The following NRG3 variants were observed in gnomAD, a reference collection of about 807,000 sequenced individuals.
The protein encoded by NRG3 is neuregulin 3.
In NRG3, 31 loss-of-function variants were observed where a neutral mutation model predicts 66.9. The ratio of observed to expected loss-of-function variants is 0.46; its 90% CI spans 0.35 to 0.63. The LOEUF (loss-of-function observed/expected upper bound fraction) is 0.63. Among genes scored for constraint, NRG3 ranks in the 20% least tolerant of loss-of-function variants. The pLI, the probability that NRG3 is intolerant of heterozygous loss-of-function variation, is 0.00. For synonymous variants in NRG3, 393 were observed against 359.4 expected (o/e 1.09, Z -1.06); for missense variants, 910 against 878.9 (o/e 1.04, Z -0.45).
intron 1 of NRG3, among the ~76,000 whole-genome samples, chr10:82,351,390 C>T (rs920184720): frequency 1.3e-5 from 2 of 152,200 alleles, no homozygotes; most frequent in Non-Finnish European, 2.9e-5. Flanking sequence ...AATCACATTT[C>T]AATTAGAAAA....
At chr10:82,230,618 A>T (rs543599959) in intron 1 of NRG3, among the ~76,000 whole-genome samples, 8 of 152,156 alleles carry the variant, frequency 5.3e-5, no homozygotes, top group African/African-American at 1.9e-4. Flanking sequence ...TGAATAGAGG[A>T]ATTACAGCAA....
chr10:82,452,923 ACAGT>A (rs1372857864), intron 2 of NRG3, among the ~76,000 whole-genome samples: 1 of 152,162 alleles, frequency 6.6e-6, no homozygotes. Flanking sequence ...TCTGTGGCCA[ACAGT>A]CAGTCACATG....
chr10:82,057,797 A>T (rs1009873836), intron 1 of NRG3, among the ~76,000 whole-genome samples: 1 of 152,128 alleles, frequency 6.6e-6, no homozygotes, highest in African/African-American at 2.4e-5. Context: ...GTTACCATGT[A>T]TCAGGGATTC....
chr10:82,930,929 G>A (rs1177575285), intron 4 of NRG3, among the ~76,000 whole-genome samples: 1 of 152,204 alleles, frequency 6.6e-6, no homozygotes, highest in Non-Finnish European at 1.5e-5. Flanking sequence ...ATTGAGAGAA[G>A]CAGGGAGGCC....
chr10:82,286,127 G>T (rs2079403744), intron 1 of NRG3, among the ~76,000 whole-genome samples: 1 of 152,114 alleles, frequency 6.6e-6, no homozygotes, highest in Non-Finnish European at 1.5e-5. Context: ...ATTCCCAATG[G>T]GGGTGAGGAG....
chr10:82,510,197 C>T (rs1487034504), intron 2 of NRG3, among the ~76,000 whole-genome samples: 1 of 152,192 alleles, frequency 6.6e-6, no homozygotes, highest in Non-Finnish European at 1.5e-5. Context: ...CCTCAACATA[C>T]CACATTCCAA....
chr10:82,859,369 G>C (rs571198471), intron 3 of NRG3: 1 of 152,238 alleles, frequency 6.6e-6, no homozygotes, highest in East Asian at 1.9e-4. Context: ...ATCTCGCTCC[G>C]TTACTTTTAG....
In NRG3 at chr10:82,871,875, C is replaced by T. The variant is rs187794516; in HGVS notation, c.1054+6438C>T. On this transcript the variant is annotated intron_variant, in intron 4 of 8. Coordinates refer to ENST00000372141, the MANE Select transcript of NRG3 (RefSeq NM_001010848.4). ...ATCTGCAAAGACAGTTTTACCTCTT[C>T]CCTTTCCAATCTGTGTACATTTTGT... is the stretch of plus-strand genomic sequence containing the variant. Among the ~76,000 whole-genome samples the T allele has an allele frequency of 7.9e-3, 1,200 of 152,086 alleles. 7 individuals are homozygous for T. Among genetic ancestry groups the T allele is most frequent in the Non-Finnish European group, 0.014 (918 of 67,936 alleles).
chr10:82,227,364 A>G (rs2076217548), intron 1 of NRG3, among the ~76,000 whole-genome samples: 1 of 152,020 alleles, frequency 6.6e-6, no homozygotes, highest in Non-Finnish European at 1.5e-5. Context: ...AAACTGACAC[A>G]CCCTTGCATT....
intron 1 of NRG3, among the ~76,000 whole-genome samples, chr10:82,329,102 C>T (rs1301492276): frequency 6.6e-6 from 1 of 152,196 alleles, no homozygotes; most frequent in Non-Finnish European, 1.5e-5. Context: ...GTCCCAGAGA[C>T]AGCTCTTCCA....
At chr10:81,952,108 G>A (rs1369609001) in intron 1 of NRG3, among the ~76,000 whole-genome samples, 1 of 152,038 alleles carries the variant, frequency 6.6e-6, no homozygotes, top group Non-Finnish European at 1.5e-5. Flanking sequence ...GGGGAAGGGG[G>A]GAGGGATAGC....
At chr10:82,415,169 A>G (rs770790667) in intron 2 of NRG3, among the ~76,000 whole-genome samples, 2 of 152,174 alleles carry the variant, frequency 1.3e-5, no homozygotes, top group South Asian at 2.1e-4. Context: ...GCTGGATTAT[A>G]TGGGTAAAAA....
At chr10:81,964,321 G>A (rs1367453058) in intron 1 of NRG3, among the ~76,000 whole-genome samples, 2 of 147,968 alleles carry the variant, frequency 1.4e-5, no homozygotes, top group Non-Finnish European at 3.0e-5. Flanking sequence ...ACTTGAACCC[G>A]GGAGGCGGAG....
intron 1 of NRG3, among the ~76,000 whole-genome samples, chr10:82,018,373 C>T (rs1310117201): frequency 1.3e-5 from 2 of 152,128 alleles, no homozygotes; most frequent in East Asian, 1.9e-4. Flanking sequence ...TAGTGTGATG[C>T]CTCCAGCTTT....
chr10:82,242,014 C>G (rs2077028257), intron 1 of NRG3, among the ~76,000 whole-genome samples: 1 of 151,886 alleles, frequency 6.6e-6, no homozygotes, highest in Non-Finnish European at 1.5e-5. Context: ...CATGTTTCTT[C>G]TAAGAAACAA....
chr10:82,178,303 G>T (rs937078247), intron 1 of NRG3, among the ~76,000 whole-genome samples: 1 of 152,084 alleles, frequency 6.6e-6, no homozygotes, highest in Admixed American at 6.6e-5. Context: ...CTATAAGCAC[G>T]ATGAGGTACA....
chr10:82,295,767 C>A (rs2080025607), intron 1 of NRG3, among the ~76,000 whole-genome samples: 1 of 152,092 alleles, frequency 6.6e-6, no homozygotes, highest in African/African-American at 2.4e-5. Context: ...TGTATATTTT[C>A]TCAACGTCAT....
At chr10:82,573,383 A>G (rs2045851390) in intron 2 of NRG3, among the ~76,000 whole-genome samples, 1 of 151,830 alleles carries the variant, frequency 6.6e-6, no homozygotes, top group Non-Finnish European at 1.5e-5. Context: ...AACTTTCTCA[A>G]AGCCTTTTTC....
chr10:81,923,102 T>G (rs1378304851), intron 1 of NRG3, among the ~76,000 whole-genome samples: 1 of 151,862 alleles, frequency 6.6e-6, no homozygotes, highest in Non-Finnish European at 1.5e-5. Context: ...CTTAAACATG[T>G]GTTTTTATCA....
Sources: allele counts gnomAD v4.1 joint callset (sites outside exome capture counted in the v4.1 genomes callset), GRCh38; gene constraint gnomAD v4.1.1; transcripts MANE v1.5; gene names NCBI Gene and HGNC (gene_info 2026-07-23, HGNC 2026-07-21).